THSD7B: variants seen among roughly 807,000 people sequenced by gnomAD.
THSD7B encodes thrombospondin type 1 domain containing 7B, also known as thrombospondin type-1 domain-containing protein 7B.
A neutral mutation model predicts 213.6 loss-of-function variants in THSD7B; 138 were observed. The ratio of observed to expected loss-of-function variants is 0.65; its 90% CI spans 0.56 to 0.74. THSD7B has a LOEUF of 0.74. Among genes scored for constraint, THSD7B ranks in the 30% least tolerant of loss-of-function variants. The pLI is 0.00. For missense variants in THSD7B, 1,931 were observed against 1,991.5 expected, an observed-to-expected ratio of 0.97 and a Z score of 0.58; for synonymous variants, 742 against 687.0, an observed-to-expected ratio of 1.08 and a Z score of -1.25.
At chr2:137,628,974 T>C (rs1682688917) in intron 20 of THSD7B, among the ~76,000 whole-genome samples, 1 of 152,226 alleles carries the variant, frequency 6.6e-6, no homozygotes, top group Non-Finnish European at 1.5e-5. Flanking sequence ...CCTACGATTT[T>C]TATCATGCAT....
intron 12 of THSD7B, among the ~76,000 whole-genome samples, chr2:137,353,927 G>T (rs1207408474): frequency 6.6e-6 from 1 of 152,034 alleles, no homozygotes; most frequent in Non-Finnish European, 1.5e-5. Context: ...GTCAATCTTT[G>T]TGCCAGTTTT....
chr2:137,429,767 A>G (rs532534461), intron 14 of THSD7B, among the ~76,000 whole-genome samples: 2 of 152,316 alleles, frequency 1.3e-5, no homozygotes, highest in Admixed American at 6.5e-5. Context: ...TGTAGGTGAT[A>G]GAAGACTAGG....
At chr2:137,376,557 C>T (rs911954039) in intron 12 of THSD7B, among the ~76,000 whole-genome samples, 1 of 152,104 alleles carries the variant, frequency 6.6e-6, no homozygotes, top group African/African-American at 2.4e-5. Flanking sequence ...CTGCCATATT[C>T]CTTCAAAAGT....
chr2:137,410,323 C>A (rs2105011047), intron 13 of THSD7B, among the ~76,000 whole-genome samples: 1 of 151,936 alleles, frequency 6.6e-6, no homozygotes, highest in Middle Eastern at 3.4e-3. Context: ...GACTAGAGTG[C>A]AGTGATGCGA....
chr2:137,234,546 C>T (rs146599363), intron 9 of THSD7B, among the ~76,000 whole-genome samples: 27 of 152,220 alleles, frequency 1.8e-4, no homozygotes, highest in East Asian at 1.2e-3. Context: ...ATTTGCAAGT[C>T]GTACTGTGAC....
intron 1 of THSD7B, among the ~76,000 whole-genome samples, chr2:136,808,196 C>A (rs1682320367): frequency 1.3e-5 from 2 of 152,244 alleles, no homozygotes; most frequent in South Asian, 4.1e-4. Flanking sequence ...CCATGAGGAA[C>A]AACTTCACTA....
At chr2:137,115,073 G>T in intron 4 of THSD7B, 51 bp from the exon 5 acceptor site, 2 of 1,605,690 alleles carry the variant, frequency 1.2e-6, no homozygotes, top group Non-Finnish European at 1.7e-6. Flanking sequence ...CCTCAGAGTT[G>T]TATATTTTTC....
intron 15 of THSD7B, among the ~76,000 whole-genome samples, chr2:137,515,476 C>T (rs1246792150): frequency 6.6e-6 from 1 of 152,130 alleles, no homozygotes; most frequent in Non-Finnish European, 1.5e-5. Context: ...CACCAGGCTC[C>T]TACAGGTGAG....
intron 7 of THSD7B, among the ~76,000 whole-genome samples, chr2:137,174,151 T>A (rs1372560663): frequency 6.6e-6 from 1 of 152,204 alleles, no homozygotes; most frequent in South Asian, 2.1e-4. Context: ...TAACTTGGCT[T>A]GTTTACCATT....
chr2:137,666,781 G>A (rs914139810), intron 26 of THSD7B, among the ~76,000 whole-genome samples: 3 of 151,922 alleles, frequency 2.0e-5, no homozygotes, highest in African/African-American at 7.3e-5. Context: ...TCTATCACAT[G>A]TAGAAAAAGC....
rs1553433975 is a variant in THSD7B at position 137,271,450 on chromosome 2, A to AATATAATATATAATATAAT, written c.2267-1072_2267-1054dup. Among the ~76,000 whole-genome samples, 51 of 133,684 alleles carry AATATAATATATAATATAAT rather than the reference A, an allele frequency of 3.8e-4. 1 individual carries two copies. Among genetic ancestry groups the AATATAATATATAATATAAT allele is most frequent in the African/African-American group, 1.5e-3 (48 of 31,792 alleles). The allele number at this position is 133,684 out of a possible 152,430, so 87.7% of individuals were successfully genotyped here. A position where few individuals can be genotyped will look rare whatever the true frequency, so the allele number is the denominator to read the frequency against. ...ATATAATATATATAATATAATATAT[A>AATATAATATATAATATAAT]ATATAATATATAATATAATATATAA... On this transcript the variant is annotated intron_variant, in intron 10 of 27. Coordinates refer to ENST00000409968, the MANE Select transcript of THSD7B (RefSeq NM_001316349.2).
At chr2:137,301,157 C>T (rs965501050) in intron 12 of THSD7B, among the ~76,000 whole-genome samples, 5 of 152,188 alleles carry the variant, frequency 3.3e-5, no homozygotes, top group Middle Eastern at 3.4e-3. Context: ...ACAGCTGGCC[C>T]GTTAATGTTC....
At chr2:136,822,766 T>G (rs1170855840) in intron 1 of THSD7B, among the ~76,000 whole-genome samples, 1 of 152,194 alleles carries the variant, frequency 6.6e-6, no homozygotes. Flanking sequence ...CGGAGCATGT[T>G]TGAAAGGGAG....
intron 12 of THSD7B, among the ~76,000 whole-genome samples, chr2:137,348,420 G>A (rs1317440129): frequency 6.6e-6 from 1 of 151,706 alleles, no homozygotes; most frequent in East Asian, 1.9e-4. Context: ...CCCTCGATAT[G>A]CAGTGTTCAA....
chr2:137,295,718 C>A (rs1026428181), intron 12 of THSD7B, among the ~76,000 whole-genome samples: 1 of 152,118 alleles, frequency 6.6e-6, no homozygotes, highest in Admixed American at 6.5e-5. Flanking sequence ...TCATGATCCT[C>A]CTGCCTCATC....
At chr2:137,652,089 C>T (rs529787122) in intron 21 of THSD7B, among the ~76,000 whole-genome samples, 1 of 152,120 alleles carries the variant, frequency 6.6e-6, no homozygotes, top group South Asian at 2.1e-4. Flanking sequence ...TGTAGTTTAA[C>T]TCTAGTGTTT....
chr2:137,077,942 G>T (rs559407883), intron 3 of THSD7B, among the ~76,000 whole-genome samples: 1 of 152,128 alleles, frequency 6.6e-6, no homozygotes, highest in Non-Finnish European at 1.5e-5. Context: ...TTTCTTCTAG[G>T]GTTTTTATGG....
intron 14 of THSD7B, among the ~76,000 whole-genome samples, chr2:137,415,405 T>G (rs2105018178): frequency 6.6e-6 from 1 of 152,204 alleles, no homozygotes; most frequent in African/African-American, 2.4e-5. Flanking sequence ...GCTTTCGGAG[T>G]ATCACAATGA....
intron 14 of THSD7B, among the ~76,000 whole-genome samples, chr2:137,429,241 G>A (rs922536770): frequency 1.3e-5 from 2 of 152,130 alleles, no homozygotes; most frequent in African/African-American, 4.8e-5. Flanking sequence ...TGTGGTAATA[G>A]TTGTACAGCT....
Sources: gnomAD v4.1 joint callset for allele counts (sites outside exome capture counted in the v4.1 genomes callset) on GRCh38, gnomAD v4.1.1 for gene constraint, MANE v1.5 for transcripts, NCBI Gene and HGNC (gene_info 2026-07-23, HGNC 2026-07-21) for gene names.